Variants in RAB38 observed in about 807,000 individuals in gnomAD.
RAB38 encodes the protein ras-related protein Rab-38.
In RAB38, 15 loss-of-function variants were observed where a neutral mutation model predicts 18.4. The ratio of observed to expected loss-of-function variants is 0.82; its 90% CI spans 0.55 to 1.26. The LOEUF (loss-of-function observed/expected upper bound fraction) is 1.26. RAB38 is among the 50% of genes most tolerant of loss of function. RAB38 has a pLI of 0.00. For missense variants in RAB38, 294 were observed against 267.4 expected (o/e 1.10, Z -0.69); for synonymous variants, 101 against 104.4 (o/e 0.97, Z 0.20).
At chr11:87,808,109 GA>G in the RAB38 span, among the ~76,000 whole-genome samples, 4 of 152,082 alleles carry the variant, frequency 2.6e-5, no homozygotes, top group African/African-American at 9.7e-5. Context: ...TTATTGGTAG[GA>G]ATATAAAGTA....
intron 2 of RAB38, among the ~76,000 whole-genome samples, chr11:88,146,547 G>A (rs1489880407): frequency 6.6e-6 from 1 of 152,180 alleles, no homozygotes; most frequent in Admixed American, 6.5e-5. Flanking sequence ...TCTGCTTCAG[G>A]CAGACAGTTT....
chr11:87,846,452 C>T, the RAB38 span, among the ~76,000 whole-genome samples: 2 of 151,746 alleles, frequency 1.3e-5, no homozygotes, highest in Non-Finnish European at 2.9e-5. Context: ...AGTGGCTATG[C>T]TAATATCACA....
At chr11:87,911,412 A>G in the RAB38 span, among the ~76,000 whole-genome samples, 1 of 152,112 alleles carries the variant, frequency 6.6e-6, no homozygotes, top group African/African-American at 2.4e-5. Context: ...ATCATGATAC[A>G]TAGCATCATA....
chr11:87,958,771 G>A, the RAB38 span, among the ~76,000 whole-genome samples: 987 of 152,264 alleles, frequency 6.5e-3, 5 homozygotes, highest in Middle Eastern at 0.017. Context: ...GCATACGTTT[G>A]CCTTGTTTGT....
At chr11:88,135,144 G>A (rs187193364) in intron 2 of RAB38, among the ~76,000 whole-genome samples, 18 of 151,998 alleles carry the variant, frequency 1.2e-4, no homozygotes, top group Non-Finnish European at 2.2e-4. Flanking sequence ...AACCTTCCCC[G>A]GTCACCCTGT....
At chr11:87,918,335 G>A in the RAB38 span, among the ~76,000 whole-genome samples, 1 of 152,044 alleles carries the variant, frequency 6.6e-6, no homozygotes, top group Admixed American at 6.6e-5. Context: ...TATGAATAAT[G>A]CTGCGATGAA....
In RAB38 at chr11:88,149,902, C is replaced by T. The variant is rs1943042763; in HGVS notation, c.256G>A (p.Ala86Thr). The part of the protein sequence containing the change: ...TRVYYREAMG[A>T]FIVFDVTRPA... The stretch of plus-strand genomic sequence containing the variant: ...CTGGTGACATCGAAGACAATAAATG[C>T]ACCCATAGCTTCTCGGTAATAGACC... Residue 86 changes from alanine to threonine, a missense_variant, in exon 2 of 3, where the codon GCA (alanine) becomes ACA (threonine). By Grantham distance (58) the Ala-to-Thr change is moderately conservative. Coordinates refer to ENST00000243662, the MANE Select transcript of RAB38 (RefSeq NM_022337.3). The T allele has an allele frequency of 6.2e-7, 1 of 1,613,948 alleles. No homozygotes were observed. Among genetic ancestry groups the T allele is most frequent in the South Asian group, 1.1e-5 (1 of 91,054 alleles).
chr11:88,043,608 C>CTTTAAT, the RAB38 span, among the ~76,000 whole-genome samples: 1 of 138,516 alleles, frequency 7.2e-6, no homozygotes, highest in African/African-American at 2.7e-5. Context: ...TGTGACCCCC[C>CTTTAAT]CACCCTGCCC....
the RAB38 span, among the ~76,000 whole-genome samples, chr11:87,842,794 G>GTA: frequency 4.6e-5 from 6 of 129,916 alleles, no homozygotes; most frequent in African/African-American, 1.8e-4. Flanking sequence ...GCATGCGCAT[G>GTA]CACACACACA....
chr11:88,166,307 C>A (rs1301982603), intron 1 of RAB38: 1 of 152,186 alleles, frequency 6.6e-6, no homozygotes, highest in African/African-American at 2.4e-5. Flanking sequence ...ACTGCACGAA[C>A]TTCCACAGGG....
the RAB38 span, among the ~76,000 whole-genome samples, chr11:87,911,473 A>G: frequency 6.6e-5 from 10 of 151,982 alleles, no homozygotes; most frequent in Admixed American, 5.9e-4. Flanking sequence ...TCTTTATTTT[A>G]TAAGACTTGT....
the RAB38 span, among the ~76,000 whole-genome samples, chr11:87,964,725 TAAAA>T: frequency 6.6e-6 from 1 of 151,892 alleles, no homozygotes; most frequent in African/African-American, 2.4e-5. Context: ...AAAAAAAAAT[TAAAA>T]AAAATTGCTT....
At chr11:88,171,464 A>G (rs1435896710) in intron 1 of RAB38, among the ~76,000 whole-genome samples, 1 of 152,246 alleles carries the variant, frequency 6.6e-6, no homozygotes, top group Non-Finnish European at 1.5e-5. Context: ...AAGGTTTCAC[A>G]GTTTGCCTAA....
chr11:87,804,379 C>A, the RAB38 span, among the ~76,000 whole-genome samples: 1 of 152,106 alleles, frequency 6.6e-6, no homozygotes, highest in Non-Finnish European at 1.5e-5. Context: ...AGTCTTAGGG[C>A]ATTTGCCTGC....
the RAB38 span, among the ~76,000 whole-genome samples, chr11:88,076,047 AG>A: frequency 5.7e-4 from 86 of 151,740 alleles, no homozygotes; most frequent in Non-Finnish European, 8.8e-4. Flanking sequence ...TAAAATAAAA[AG>A]ATCAAAAAAA....
At chr11:88,087,657 T>C in the RAB38 span, among the ~76,000 whole-genome samples, 1 of 151,820 alleles carries the variant, frequency 6.6e-6, no homozygotes, top group Non-Finnish European at 1.5e-5. Context: ...CATTAAGGGG[T>C]ATGTCAATGC....
chr11:87,814,613 A>C, the RAB38 span, among the ~76,000 whole-genome samples: 2 of 152,178 alleles, frequency 1.3e-5, no homozygotes, highest in African/African-American at 4.8e-5. Context: ...GTTGATGGTG[A>C]AGCAGGAATG....
intron 1 of RAB38, among the ~76,000 whole-genome samples, chr11:88,151,110 C>T (rs971167791): frequency 3.3e-5 from 5 of 152,166 alleles, no homozygotes; most frequent in African/African-American, 1.2e-4. Flanking sequence ...TGATGCTTAA[C>T]GTTCTGATTG....
chr11:88,062,752 C>A, the RAB38 span, among the ~76,000 whole-genome samples: 1 of 152,178 alleles, frequency 6.6e-6, no homozygotes, highest in African/African-American at 2.4e-5. Flanking sequence ...AATTTTGCAA[C>A]CTTCAGCAAG....
Sources: allele counts gnomAD v4.1 joint callset (sites outside exome capture counted in the v4.1 genomes callset), GRCh38; gene constraint gnomAD v4.1.1; transcripts MANE v1.5; gene names NCBI Gene and HGNC (gene_info 2026-07-23, HGNC 2026-07-21).